ATP2B2: variants seen among roughly 807,000 people sequenced by gnomAD.
The protein encoded by ATP2B2 is ATPase plasma membrane Ca2+ transporting 2, also known as plasma membrane calcium-transporting ATPase 2.
ATP2B2 carries 15 observed loss-of-function variants against 120.0 expected under a neutral mutation model. The ratio of observed to expected loss-of-function variants is 0.12; its 90% CI spans 0.08 to 0.19. The LOEUF (loss-of-function observed/expected upper bound fraction) is 0.19. ATP2B2 is among the 10% of genes least tolerant of loss of function. ATP2B2 has a pLI of 1.00. For missense variants in ATP2B2, 1,045 were observed against 1,719.8 expected (o/e 0.61, Z 6.94); for synonymous variants, 694 against 700.3 (o/e 0.99, Z 0.14).
At chr3:10,487,696 C>A (rs1022153606) in intron 1 of ATP2B2, among the ~76,000 whole-genome samples, 2 of 152,112 alleles carry the variant, frequency 1.3e-5, no homozygotes, top group African/African-American at 4.8e-5. Flanking sequence ...GGTTAGACAG[C>A]GGGAAAGGAA....
intron 2 of ATP2B2, among the ~76,000 whole-genome samples, chr3:10,615,668 C>T (rs1028626038): frequency 6.6e-6 from 1 of 152,172 alleles, no homozygotes; most frequent in Non-Finnish European, 1.5e-5. Context: ...CATCCACATC[C>T]AACTTGCTCA....
intron 1 of ATP2B2, among the ~76,000 whole-genome samples, chr3:10,692,319 C>T (rs573511750): frequency 6.6e-6 from 1 of 152,224 alleles, no homozygotes; most frequent in South Asian, 2.1e-4. Flanking sequence ...CCTCTCCCCC[C>T]AACCGTCATT....
intron 1 of ATP2B2, among the ~76,000 whole-genome samples, chr3:10,646,500 A>C (rs2070324543): frequency 6.6e-6 from 1 of 151,986 alleles, no homozygotes; most frequent in African/African-American, 2.4e-5. Flanking sequence ...GCTTAATTCC[A>C]TATATGTCTT....
At chr3:10,467,816 G>C (rs935568018) in intron 1 of ATP2B2, among the ~76,000 whole-genome samples, 1 of 152,058 alleles carries the variant, frequency 6.6e-6, no homozygotes, top group South Asian at 2.1e-4. Context: ...ATGAGCGTGA[G>C]AGCAGCAAAG....
intron 2 of ATP2B2, among the ~76,000 whole-genome samples, chr3:10,569,111 G>A (rs1417811098): frequency 1.3e-5 from 2 of 152,256 alleles, no homozygotes; most frequent in East Asian, 3.9e-4. Context: ...AATGATCTGA[G>A]CTCACACTCC....
chr3:10,536,234 C>CA (rs1287781138), intron 2 of ATP2B2, among the ~76,000 whole-genome samples: 1 of 151,364 alleles, frequency 6.6e-6, no homozygotes, highest in Non-Finnish European at 1.5e-5. Flanking sequence ...AGTTTTGAGA[C>CA]TTTTTTGTAT....
chr3:10,379,422 T>A, intron 8 of ATP2B2, 138 bp from the exon 9 acceptor site: 1 of 1,032,536 alleles, frequency 9.7e-7, no homozygotes, highest in Non-Finnish European at 1.5e-6. Context: ...TGTGTGGGGA[T>A]ACGGGTTGGG....
chr3:10,650,880 C>A (rs2070442288), intron 1 of ATP2B2, among the ~76,000 whole-genome samples: 1 of 152,216 alleles, frequency 6.6e-6, no homozygotes, highest in Non-Finnish European at 1.5e-5. Context: ...CCACGGGAGC[C>A]CACCTCTTGC....
chr3:10,546,308 C>G (rs1472396293), intron 2 of ATP2B2, among the ~76,000 whole-genome samples: 4 of 152,114 alleles, frequency 2.6e-5, no homozygotes, highest in African/African-American at 9.7e-5. Context: ...CGCTGAGAAC[C>G]CTCTCCCCAT....
chr3:10,398,070 T>C (rs1231611333), intron 5 of ATP2B2, among the ~76,000 whole-genome samples: 1 of 152,248 alleles, frequency 6.6e-6, no homozygotes, highest in Admixed American at 6.5e-5. Flanking sequence ...TGGTTCATCC[T>C]GTGTCCTGTG....
chr3:10,582,872 C>A (rs2068423750), intron 2 of ATP2B2, among the ~76,000 whole-genome samples: 1 of 152,236 alleles, frequency 6.6e-6, no homozygotes, highest in Non-Finnish European at 1.5e-5. Flanking sequence ...TGGTACCATG[C>A]ATTCTGCATC....
chr3:10,453,020 G>GATAT (rs2064118962), intron 1 of ATP2B2, among the ~76,000 whole-genome samples: 1 of 152,206 alleles, frequency 6.6e-6, no homozygotes, highest in Admixed American at 6.5e-5. Flanking sequence ...TGGGGCTACT[G>GATAT]ATATATAACA....
At chr3:10,520,000 C>A (rs997327905) in intron 3 of ATP2B2, among the ~76,000 whole-genome samples, 1 of 152,180 alleles carries the variant, frequency 6.6e-6, no homozygotes, top group African/African-American at 2.4e-5. Context: ...TTACCATATA[C>A]ATTTGGCTGC....
intron 2 of ATP2B2, among the ~76,000 whole-genome samples, chr3:10,445,260 C>G (rs530764333): frequency 1.3e-5 from 2 of 152,374 alleles, no homozygotes; most frequent in African/African-American, 2.4e-5. Context: ...ATCCTCACTT[C>G]ACAGATAAGT....
intron 2 of ATP2B2, among the ~76,000 whole-genome samples, chr3:10,603,838 ACT>A (rs2068991200): frequency 6.6e-6 from 1 of 152,118 alleles, no homozygotes; most frequent in Non-Finnish European, 1.5e-5. Context: ...AATAGACTTA[ACT>A]CTCAGACGAC....
chr3:10,404,139 C>T (rs2062329152), intron 3 of ATP2B2, among the ~76,000 whole-genome samples: 1 of 152,200 alleles, frequency 6.6e-6, no homozygotes, highest in Non-Finnish European at 1.5e-5. Context: ...TGCATGCACC[C>T]CTGGAAAATT....
chr3:10,696,473 C>T (rs932720520), intron 1 of ATP2B2, among the ~76,000 whole-genome samples: 2 of 152,178 alleles, frequency 1.3e-5, no homozygotes, highest in African/African-American at 4.8e-5. Context: ...TCTTCTGCCT[C>T]CTTTGGTTTC....
intron 1 of ATP2B2, among the ~76,000 whole-genome samples, chr3:10,495,147 C>T (rs909089234): frequency 1.3e-5 from 2 of 152,204 alleles, no homozygotes; most frequent in Non-Finnish European, 2.9e-5. Context: ...CTCAAGGACA[C>T]CCTGAACTTG....
chr3:10,598,679 G>A (rs756469024), intron 2 of ATP2B2, among the ~76,000 whole-genome samples: 10 of 152,342 alleles, frequency 6.6e-5, no homozygotes, highest in South Asian at 2.1e-4. Flanking sequence ...AGTATCTCTG[G>A]TTGAGTAGAT....
Sources: gnomAD v4.1 joint callset for allele counts (sites outside exome capture counted in the v4.1 genomes callset) on GRCh38, gnomAD v4.1.1 for gene constraint, MANE v1.5 for transcripts, NCBI Gene and HGNC (gene_info 2026-07-23, HGNC 2026-07-21) for gene names.